The following TLL2 variants were observed in gnomAD, a reference collection of about 807,000 sequenced individuals.
TLL2 encodes tolloid-like protein 2.
Under a neutral mutation model 123.0 loss-of-function variants are expected in TLL2, and 106 were observed. The observed-to-expected ratio is 0.86, with a 90% CI of 0.74 to 1.01. The LOEUF is 1.01. Among genes scored for constraint, TLL2 ranks in the 50% least tolerant of loss-of-function variants. The probability of loss-of-function intolerance (pLI) is 0.00; values close to 1 mark genes in which losing one functional copy is unlikely to be tolerated. For missense variants in TLL2, 1,332 were observed against 1,336.7 expected (o/e 1.00, Z 0.06); for synonymous variants, 494 against 516.8 (o/e 0.96, Z 0.60).
At chr10:96,471,587 G>A (rs765348013) in intron 2 of TLL2, among the ~76,000 whole-genome samples, 7 of 152,180 alleles carry the variant, frequency 4.6e-5, no homozygotes, top group Non-Finnish European at 7.4e-5. Context: ...GGTGTCAGAC[G>A]CTGGAATAAG....
chr10:96,388,840 G>T (rs1038446134), intron 13 of TLL2, among the ~76,000 whole-genome samples: 2 of 152,188 alleles, frequency 1.3e-5, no homozygotes, highest in African/African-American at 4.8e-5. Context: ...ATTTCACATA[G>T]GGGACAGTGA....
intron 2 of TLL2, among the ~76,000 whole-genome samples, chr10:96,473,114 A>T (rs1847201490): frequency 6.6e-6 from 1 of 152,178 alleles, no homozygotes; most frequent in Non-Finnish European, 1.5e-5. Flanking sequence ...AAAGTCATGG[A>T]CAGAGTACAG....
At chr10:96,501,205 G>C (rs1847530315) in intron 1 of TLL2, among the ~76,000 whole-genome samples, 1 of 152,198 alleles carries the variant, frequency 6.6e-6, no homozygotes, top group African/African-American at 2.4e-5. Flanking sequence ...GTGTAGTTAA[G>C]GAAAACATTT....
chr10:96,408,023 A>G (rs1260476500), intron 9 of TLL2, among the ~76,000 whole-genome samples: 1 of 152,218 alleles, frequency 6.6e-6, no homozygotes, highest in Non-Finnish European at 1.5e-5. Flanking sequence ...CCATTAAATC[A>G]GATTCCCTGG....
At chr10:96,437,508 G>A (rs1322565064) in intron 3 of TLL2, among the ~76,000 whole-genome samples, 1 of 152,072 alleles carries the variant, frequency 6.6e-6, no homozygotes, top group Admixed American at 6.5e-5. Flanking sequence ...AACACCATAA[G>A]TATCCCCCAT....
chr10:96,399,833 T>A (rs1160311018), intron 10 of TLL2, among the ~76,000 whole-genome samples: 2 of 152,312 alleles, frequency 1.3e-5, no homozygotes, highest in Non-Finnish European at 2.9e-5. Flanking sequence ...AGAGGGAGAC[T>A]TTCACTGCCT....
rs767137164 is a variant in TLL2 at position 96,405,237 on chromosome 10, AG to A, written c.1261del (p.Leu421PhefsTer48). On this transcript the variant is annotated frameshift_variant, in exon 10 of 21. Transcript: ENST00000357947. LOFTEE classifies it high-confidence loss of function. ...VRDGYWRKAP[L>X]LGRFCGDKIP... ...GGTGTCTAAAGTCAACTTACCCAAA[AG>A]GGGGGCTTTTCTCCAGTAACCATCC... is the stretch of plus-strand genomic sequence containing the variant. 8 of 1,614,064 alleles carry A rather than the reference AG, an allele frequency of 5.0e-6. No homozygotes were observed. The highest frequency in any genetic ancestry group is 1.7e-5 in the Admixed American group (1 of 60,018).
At chr10:96,437,753 GT>G (rs1846810825) in intron 3 of TLL2, among the ~76,000 whole-genome samples, 1 of 152,162 alleles carries the variant, frequency 6.6e-6, no homozygotes. Context: ...TTATTGCTGA[GT>G]AGTAGTCCAT....
chr10:96,387,971 A>G (rs10748677), intron 13 of TLL2, among the ~76,000 whole-genome samples: 149,228 of 152,340 alleles, frequency 0.98, 73,159 homozygotes, highest in East Asian at 1. Flanking sequence ...CAGAGCGAGA[A>G]AGGAGTCTAG....
At chr10:96,459,989 C>T (rs1373851381) in intron 2 of TLL2, among the ~76,000 whole-genome samples, 1 of 141,946 alleles carries the variant, frequency 7.0e-6, no homozygotes, top group African/African-American at 2.6e-5. Flanking sequence ...TAAATTATTT[C>T]CCAAAGCTTC....
At chr10:96,420,874 T>C in intron 7 of TLL2, 82 bp downstream of exon 7, 1 of 1,238,184 alleles carries the variant, frequency 8.1e-7, no homozygotes, top group Non-Finnish European at 1.2e-6. Flanking sequence ...AGAGACCCAC[T>C]CTCCGCAGAC....
chr10:96,403,066 AC>A (rs1434741972), intron 10 of TLL2, among the ~76,000 whole-genome samples: 1 of 152,096 alleles, frequency 6.6e-6, no homozygotes, highest in Non-Finnish European at 1.5e-5. Flanking sequence ...GCCAGAGCCC[AC>A]CCTACAGACC....
At chr10:96,490,528 T>A (rs1356682076) in intron 1 of TLL2, among the ~76,000 whole-genome samples, 2 of 152,212 alleles carry the variant, frequency 1.3e-5, no homozygotes, top group Admixed American at 6.5e-5. Flanking sequence ...AAGCAATGAA[T>A]GACGTTGAAG....
intron 2 of TLL2, among the ~76,000 whole-genome samples, chr10:96,475,809 TG>T (rs1290486136): frequency 6.6e-6 from 1 of 152,152 alleles, no homozygotes; most frequent in Non-Finnish European, 1.5e-5. Flanking sequence ...CCAAGTGTTG[TG>T]GGAGGGACCC....
Position 96,428,693 on chromosome 10 carries a change from A to G in TLL2, c.576T>C (p.Cys192=), listed in dbSNP as rs1423044474. The change falls in exon 5 of 21, where the codon TGT becomes TGC. Residue 192 remains cysteine (C), a synonymous_variant. Transcript: ENST00000357947. ...CATCCGTCCTTTCTATGAAGGTCAC[A>G]CAGGTGTGCTTCTCCCAGTGTCTCA... ...QAMRHWEKHT[C]VTFIERTDEE... The G allele has an allele frequency of 6.2e-7, 1 of 1,614,016 alleles. No homozygotes were observed. Among genetic ancestry groups the G allele is most frequent in the Admixed American group, 1.7e-5 (1 of 59,994 alleles).
At chr10:96,460,938 A>G (rs1360389334) in intron 2 of TLL2, among the ~76,000 whole-genome samples, 1 of 152,154 alleles carries the variant, frequency 6.6e-6, no homozygotes, top group Non-Finnish European at 1.5e-5. Flanking sequence ...CAGCACCTTG[A>G]TCTTGGACTT....
intron 7 of TLL2, among the ~76,000 whole-genome samples, chr10:96,417,943 T>C (rs1478164245): frequency 6.6e-6 from 1 of 152,178 alleles, no homozygotes; most frequent in African/African-American, 2.4e-5. Flanking sequence ...TGGGGGTCAA[T>C]TGCTCTGCAG....
intron 9 of TLL2, among the ~76,000 whole-genome samples, chr10:96,406,014 A>G (rs1015566819): frequency 6.6e-6 from 1 of 152,142 alleles, no homozygotes; most frequent in Admixed American, 6.5e-5. Flanking sequence ...TAAACACTGA[A>G]AAGAGAGGGA....
At chr10:96,474,297 T>C (rs1458544547) in intron 2 of TLL2, among the ~76,000 whole-genome samples, 1 of 151,984 alleles carries the variant, frequency 6.6e-6, no homozygotes, top group East Asian at 1.9e-4. Context: ...GGGGGAGAAA[T>C]AGCAGTTCTC....
Sources: gnomAD v4.1 joint callset for allele counts (sites outside exome capture counted in the v4.1 genomes callset) on GRCh38, gnomAD v4.1.1 for gene constraint, MANE v1.5 for transcripts, NCBI Gene and HGNC (gene_info 2026-07-23, HGNC 2026-07-21) for gene names.